The following PTPRN2 variants were observed in gnomAD, a reference collection of about 807,000 sequenced individuals.
PTPRN2 encodes the protein protein tyrosine phosphatase receptor type N2.
A neutral mutation model predicts 118.8 loss-of-function variants in PTPRN2; 74 were observed. The ratio of observed to expected loss-of-function variants is 0.62; its 90% CI spans 0.52 to 0.76. PTPRN2 has a LOEUF of 0.76. Ranked by LOEUF, PTPRN2 falls within the 30% of genes least tolerant of loss-of-function variation. PTPRN2 has a pLI of 0.00. For synonymous variants in PTPRN2, 641 were observed against 608.0 expected (o/e 1.05, Z -0.80); for missense variants, 1,481 against 1,394.4 (o/e 1.06, Z -0.99).
At chr7:158,442,066 AGTGG>A (rs1206368588) in intron 2 of PTPRN2, among the ~76,000 whole-genome samples, 1 of 107,368 alleles carries the variant, frequency 9.3e-6, no homozygotes, top group Non-Finnish European at 2.0e-5. Flanking sequence ...TGGTGATGGC[AGTGG>A]TGGCAGTGGT....
chr7:158,351,885 T>C (rs13247231), intron 2 of PTPRN2, among the ~76,000 whole-genome samples: 22,631 of 31,350 alleles, frequency 0.72, 8,744 homozygotes, highest in Middle Eastern at 0.85. Flanking sequence ...CCCTCCTGTC[T>C]GCTCGCCTCC....
At chr7:157,840,921 G>A (rs1234888858) in intron 12 of PTPRN2, among the ~76,000 whole-genome samples, 7 of 152,224 alleles carry the variant, frequency 4.6e-5, no homozygotes, top group Non-Finnish European at 1.0e-4. Context: ...GAGAAGCACC[G>A]GCGGGGGCTG....
intron 13 of PTPRN2, among the ~76,000 whole-genome samples, chr7:157,670,294 G>A (rs906701721): frequency 6.6e-6 from 1 of 152,198 alleles, no homozygotes; most frequent in South Asian, 2.1e-4. Flanking sequence ...CCGACGTGCT[G>A]AAACCCGACC....
At chr7:157,862,344 T>G (rs1458788103) in intron 12 of PTPRN2, among the ~76,000 whole-genome samples, 1 of 152,028 alleles carries the variant, frequency 6.6e-6, no homozygotes, top group Non-Finnish European at 1.5e-5. Flanking sequence ...GTTAGGAAGT[T>G]CCCTGACAGA....
At position 157,916,741 on chromosome 7, in the gene PTPRN2, G is replaced by A. The variant is rs942448429; in HGVS notation, c.1724-18004C>T. ...CCGGCTGAAGGTCCCCACCATGGCAGGGGCTGGCCACGCACCCCGGCCACT... is the reference window on the plus strand; with the variant it reads ...CCGGCTGAAGGTCCCCACCATGGCAAGGGCTGGCCACGCACCCCGGCCACT... On this transcript the variant is annotated intron_variant, in intron 11 of 22. Coordinates refer to ENST00000389418, the MANE Select transcript of PTPRN2 (RefSeq NM_002847.5). Among the ~76,000 whole-genome samples the A allele has an allele frequency of 7.3e-5, 11 of 151,110 alleles. No individual in the cohort carries two copies. In the South Asian group the frequency reaches 2.3e-3, roughly 31 times the overall value.
At chr7:158,245,226 A>G (rs1381136902) in intron 3 of PTPRN2, among the ~76,000 whole-genome samples, 1 of 147,844 alleles carries the variant, frequency 6.8e-6, no homozygotes, top group Non-Finnish European at 1.5e-5. Context: ...GCCGGAACCC[A>G]TGGCCATGCC....
chr7:158,455,912 A>G (rs1382032257), intron 2 of PTPRN2, among the ~76,000 whole-genome samples: 28 of 129,314 alleles, frequency 2.2e-4, no homozygotes, highest in Middle Eastern at 6.3e-3. Context: ...AGAACATAAC[A>G]GCATGGACGC....
chr7:157,693,125 G>C (rs1797596338), intron 12 of PTPRN2, among the ~76,000 whole-genome samples: 2 of 152,018 alleles, frequency 1.3e-5, no homozygotes, highest in African/African-American at 4.8e-5. Flanking sequence ...AGCCGGGGCG[G>C]GAAGAGGGGA....
In PTPRN2 at chr7:158,138,381, G is replaced by GAGCT; in HGVS notation, c.1041_1044dup (p.Arg349SerfsTer32). The stretch of plus-strand genomic sequence containing the variant: ...AGGGCCGCTCTCCCAGGGCTGCCTC[G>GAGCT]AGCTACTCCATGGTCCACGCCTTGC... On this transcript the variant is annotated frameshift_variant, in exon 7 of 23. Coordinates refer to ENST00000389418, the MANE Select transcript of PTPRN2 (RefSeq NM_002847.5). LOFTEE classifies it high-confidence loss of function. 1.2e-6 allele frequency: 2 copies of GAGCT among 1,613,848 alleles called. No homozygotes were observed. The highest frequency in any genetic ancestry group is 1.7e-6 in the Non-Finnish European group (2 of 1,180,032).
intron 2 of PTPRN2, among the ~76,000 whole-genome samples, chr7:158,399,468 A>C (rs959680197): frequency 6.6e-6 from 1 of 152,214 alleles, no homozygotes; most frequent in Non-Finnish European, 1.5e-5. Context: ...CCTGGGCCAC[A>C]AAGTGAGATC....
intron 12 of PTPRN2, among the ~76,000 whole-genome samples, chr7:157,823,415 C>T (rs926201072): frequency 3.3e-4 from 50 of 152,220 alleles, no homozygotes; most frequent in African/African-American, 1.0e-3. Flanking sequence ...AATGAGCGTC[C>T]GTACCTGGGC....
rs1586323328 is a variant in PTPRN2 at position 158,333,880 on chromosome 7, C to G, written c.164-16948G>C. 3.4e-5 allele frequency among the ~76,000 whole-genome samples: 5 copies of G among 147,642 alleles called. No homozygotes were observed. In the South Asian group the frequency reaches 9.1e-4, roughly 27 times the overall value. ...CGCAGACGTCACTCACACCCACACT[C>G]TCACCATAAGAGCTGACACCCGCAG... On this transcript the variant is annotated intron_variant, in intron 2 of 22. Coordinates refer to ENST00000389418, the MANE Select transcript of PTPRN2 (RefSeq NM_002847.5).
chr7:157,833,611 C>G (rs564410444), intron 12 of PTPRN2, among the ~76,000 whole-genome samples: 3 of 150,300 alleles, frequency 2.0e-5, no homozygotes, highest in Non-Finnish European at 4.4e-5. Context: ...AAGTGTGTGA[C>G]GTGGCCGGAG....
rs1257243979 is a variant in PTPRN2, at chr7:157,905,621, C to CA, written c.1724-6885dup. ...TATCAGACTAATTCTTTGCACTTGA[C>CA]AATTTATGCAGCATTCCATATAATT... On this transcript the variant is annotated intron_variant, in intron 11 of 22. Coordinates refer to ENST00000389418, the MANE Select transcript of PTPRN2 (RefSeq NM_002847.5). 2.6e-5 allele frequency among the ~76,000 whole-genome samples: 4 copies of CA among 152,222 alleles called. No individual in the cohort carries two copies. The South Asian group carries it at 8.3e-4, about 32-fold the overall frequency.
intron 2 of PTPRN2, among the ~76,000 whole-genome samples, chr7:158,365,000 T>C (rs936736102): frequency 3.3e-5 from 5 of 151,826 alleles, no homozygotes. Context: ...CACACGCATG[T>C]GCACACACAA....
chr7:158,290,016 G>A (rs767100699), intron 3 of PTPRN2, among the ~76,000 whole-genome samples: 15 of 152,172 alleles, frequency 9.9e-5, no homozygotes, highest in South Asian at 6.2e-4. Flanking sequence ...CCTGGCATCC[G>A]TTAAGGCAGG....
intron 2 of PTPRN2, among the ~76,000 whole-genome samples, chr7:158,369,247 C>A (rs1434346587): frequency 3.9e-5 from 1 of 25,386 alleles, no homozygotes; most frequent in Non-Finnish European, 1.1e-4. Flanking sequence ...GTAAACTCCC[C>A]TTTATATATA....
intron 12 of PTPRN2, among the ~76,000 whole-genome samples, chr7:157,843,401 C>CTTTAT (rs2151188712): frequency 6.6e-6 from 1 of 152,134 alleles, no homozygotes; most frequent in Admixed American, 6.5e-5. Context: ...GTAGGGGGGC[C>CTTTAT]GGCGTGGGGG....
intron 3 of PTPRN2, among the ~76,000 whole-genome samples, chr7:158,239,255 C>T (rs1299788972): frequency 6.6e-6 from 1 of 152,204 alleles, no homozygotes; most frequent in Non-Finnish European, 1.5e-5. Context: ...GGGGCACTGT[C>T]TCTCTGTGCA....
Sources: gnomAD v4.1 joint callset for allele counts (sites outside exome capture counted in the v4.1 genomes callset) on GRCh38, gnomAD v4.1.1 for gene constraint, MANE v1.5 for transcripts, NCBI Gene and HGNC (gene_info 2026-07-23, HGNC 2026-07-21) for gene names.